Variants in GNG4 observed in about 807,000 individuals in gnomAD.
GNG4 encodes the protein G protein subunit gamma 4, also known as guanine nucleotide-binding protein G(I)/G(S)/G(O) subunit gamma-4.
In GNG4, 4 loss-of-function variants were observed where a neutral mutation model predicts 5.8. The observed-to-expected ratio is 0.69, with a 90% CI of 0.34 to 1.57. GNG4 has a LOEUF of 1.57. Among genes scored for constraint, GNG4 ranks in the 40% most tolerant of loss-of-function variants. GNG4 has a pLI of 0.06. For missense variants in GNG4, 96 were observed against 95.1 expected (o/e 1.01, Z -0.04); for synonymous variants, 29 against 32.9 (o/e 0.88, Z 0.41).
At chr1:235,557,081 T>C (rs1016059596) in intron 3 of GNG4, among the ~76,000 whole-genome samples, 2 of 152,168 alleles carry the variant, frequency 1.3e-5, no homozygotes, top group African/African-American at 4.8e-5. Flanking sequence ...CTTCCTGCTG[T>C]GCGGCCCGGT....
rs1357636116 is a variant in GNG4, at chr1:235,649,021, C to G, written c.-123+641G>C. Reference sequence around the variant, plus strand: ...ATTTAAAAAATCAAGCCAAACAAAGCTCCCCGGTTGCTGCCGGGCGCGCGC... The same window carrying G: ...ATTTAAAAAATCAAGCCAAACAAAGGTCCCCGGTTGCTGCCGGGCGCGCGC... On this transcript the variant is annotated intron_variant, in intron 1 of 3. Transcript: ENST00000391854. The surrounding 1 kb of genome is among the most constrained non-coding windows in gnomAD (Gnocchi z 5.7). Among the ~76,000 whole-genome samples the G allele has an allele frequency of 6.6e-6, 1 of 152,200 alleles. No homozygotes were observed. The highest frequency in any genetic ancestry group is 2.4e-5 in the African/African-American group (1 of 41,456).
At chr1:235,607,507 A>G (rs1485125681) in intron 1 of GNG4, among the ~76,000 whole-genome samples, 1 of 152,210 alleles carries the variant, frequency 6.6e-6, no homozygotes, top group African/African-American at 2.4e-5. Context: ...AGCCGCCTAC[A>G]GCGGAAAGCA....
At chr1:235,602,265 C>T (rs532549879) in intron 1 of GNG4, among the ~76,000 whole-genome samples, 6 of 152,042 alleles carry the variant, frequency 3.9e-5, no homozygotes, top group African/African-American at 1.4e-4. Context: ...GAGCGAGACC[C>T]GATCTCAACA....
intron 1 of GNG4, among the ~76,000 whole-genome samples, chr1:235,638,067 C>T (rs1657182098): frequency 6.6e-6 from 1 of 152,232 alleles, no homozygotes; most frequent in South Asian, 2.1e-4. Flanking sequence ...TCTTCCAATG[C>T]TCCTGGTCTC....
At chr1:235,646,193 A>T (rs1657507098) in intron 1 of GNG4, among the ~76,000 whole-genome samples, 1 of 152,216 alleles carries the variant, frequency 6.6e-6, no homozygotes, top group Admixed American at 6.5e-5. Flanking sequence ...GGTTTTAGAA[A>T]TCTAAGAAGC....
chr1:235,596,007 C>T (rs920723317), intron 1 of GNG4, among the ~76,000 whole-genome samples: 50 of 150,624 alleles, frequency 3.3e-4, no homozygotes, highest in East Asian at 7.9e-4. Flanking sequence ...ACCCCGTCTC[C>T]ACTAAAAATA....
intron 1 of GNG4, among the ~76,000 whole-genome samples, chr1:235,596,720 C>CT (rs925430128): frequency 6.6e-5 from 10 of 151,040 alleles, no homozygotes; most frequent in South Asian, 6.3e-4. Flanking sequence ...CTCGAAAGCT[C>CT]TTTTTTTTTA....
chr1:235,630,665 G>A (rs953244090), intron 1 of GNG4, among the ~76,000 whole-genome samples: 2 of 152,188 alleles, frequency 1.3e-5, no homozygotes, highest in African/African-American at 4.8e-5. Flanking sequence ...GAGTGTGGAC[G>A]CAGCTCAGAA....
chr1:235,606,944 C>CTTTTTTTTTT (rs1181596456), intron 1 of GNG4, among the ~76,000 whole-genome samples: 1 of 123,718 alleles, frequency 8.1e-6, no homozygotes, highest in Non-Finnish European at 1.6e-5. Context: ...CCTTTCTTTC[C>CTTTTTTTTTT]TTTTTTTTTT....
In GNG4 at chr1:235,644,852, A is replaced by G. The variant is rs548487946; in HGVS notation, c.-123+4810T>C. On this transcript the variant is annotated intron_variant, in intron 1 of 3. Transcript: ENST00000391854. The surrounding 1 kb of genome is among the most constrained non-coding windows in gnomAD (Gnocchi z 5.9). ...CTCAGATCGGGCTGGAGAGACATCC[A>G]GGAGGAGGATGCCAGTTGTTGGGTG... 3.9e-5 allele frequency among the ~76,000 whole-genome samples: 6 copies of G among 152,294 alleles called. No individual in the cohort carries two copies. Among genetic ancestry groups the G allele is most frequent in the African/African-American group, 1.4e-4 (6 of 41,572 alleles).
rs370017560 is a variant in GNG4 at position 235,565,021 on chromosome 1, C to G, written c.100-12784G>C. 3.9e-5 allele frequency among the ~76,000 whole-genome samples: 6 copies of G among 152,228 alleles called. No homozygotes were observed. In the East Asian group the frequency reaches 7.7e-4, roughly 20 times the overall value. ...TCTAAGTTTACATTGATTGAATAAC[C>G]CTGCAACTTCTTTCCTACCATGCCA... On this transcript the variant is annotated intron_variant, in intron 3 of 3. Transcript: ENST00000391854.
intron 1 of GNG4, among the ~76,000 whole-genome samples, chr1:235,609,703 A>G (rs1688437043): frequency 1.3e-5 from 2 of 152,226 alleles, no homozygotes; most frequent in Admixed American, 1.3e-4. Context: ...ACTTGAGCTC[A>G]GGAGTTCGAG....
chr1:235,580,698 G>A (rs915489891), intron 3 of GNG4, among the ~76,000 whole-genome samples: 8 of 140,644 alleles, frequency 5.7e-5, no homozygotes, highest in Non-Finnish European at 1.1e-4. Context: ...TTGCTTTCAC[G>A]TTTCCATTAT....
intron 1 of GNG4, among the ~76,000 whole-genome samples, chr1:235,614,162 A>G (rs1052315406): frequency 2.7e-4 from 41 of 152,308 alleles, no homozygotes; most frequent in Admixed American, 9.8e-4. Context: ...TGTTTTCCAT[A>G]GAATTTATCC....
intron 3 of GNG4, among the ~76,000 whole-genome samples, chr1:235,553,891 C>G (rs547634262): frequency 8.5e-5 from 13 of 152,270 alleles, no homozygotes; most frequent in African/African-American, 3.1e-4. Flanking sequence ...TCTAAGGTCC[C>G]AATTTACTCT....
chr1:235,625,093 T>C (rs1688782810), intron 1 of GNG4, among the ~76,000 whole-genome samples: 1 of 137,034 alleles, frequency 7.3e-6, no homozygotes, highest in Non-Finnish European at 1.5e-5. Context: ...GCAAAGGGGC[T>C]CTGGGGCTCT....
intron 1 of GNG4, among the ~76,000 whole-genome samples, chr1:235,631,921 A>G (rs1484166354): frequency 6.6e-6 from 1 of 152,076 alleles, no homozygotes; most frequent in Non-Finnish European, 1.5e-5. Flanking sequence ...TCAGTTAACC[A>G]AAAGATAGCA....
At chr1:235,579,958 C>T (rs1263815203) in intron 3 of GNG4, among the ~76,000 whole-genome samples, 1 of 151,976 alleles carries the variant, frequency 6.6e-6, no homozygotes, top group African/African-American at 2.4e-5. Context: ...CAGATACCTG[C>T]ACACCCATGT....
intron 1 of GNG4, among the ~76,000 whole-genome samples, chr1:235,633,857 C>A (rs974119733): frequency 6.6e-6 from 1 of 152,154 alleles, no homozygotes; most frequent in Non-Finnish European, 1.5e-5. Flanking sequence ...GAAGTCCAAC[C>A]AGGATAAGGC....
Sources: gnomAD v4.1 joint callset for allele counts (sites outside exome capture counted in the v4.1 genomes callset) on GRCh38, gnomAD v4.1.1 for gene constraint, Gnocchi (gnomAD v3.1) non-coding constraint, MANE v1.5 for transcripts, NCBI Gene and HGNC (gene_info 2026-07-23, HGNC 2026-07-21) for gene names.